The following SBNO2 variants were observed in gnomAD, a reference collection of about 807,000 sequenced individuals.
SBNO2 encodes the protein strawberry notch homolog 2.
A neutral mutation model predicts 146.3 loss-of-function variants in SBNO2; 89 were observed. That is an observed-to-expected ratio of 0.61 (90% CI 0.51 to 0.73). The LOEUF is 0.73. Ranked by LOEUF, SBNO2 falls within the 30% of genes least tolerant of loss-of-function variation. The probability of loss-of-function intolerance (pLI) is 0.00; values close to 1 mark genes in which losing one functional copy is unlikely to be tolerated. For missense variants in SBNO2, 2,092 were observed against 2,003.7 expected (o/e 1.04, Z -0.84); for synonymous variants, 1,147 against 892.6 (o/e 1.29, Z -5.08).
At chr19:1,141,120 G>A (rs958277800) in intron 4 of SBNO2, among the ~76,000 whole-genome samples, 1 of 151,808 alleles carries the variant, frequency 6.6e-6, no homozygotes, top group Admixed American at 6.6e-5. Flanking sequence ...CACGCGCCCC[G>A]GAGAAGAGGC....
intron 1 of SBNO2, among the ~76,000 whole-genome samples, chr19:1,169,449 T>C (rs1450538281): frequency 1.3e-5 from 2 of 152,216 alleles, no homozygotes; most frequent in Admixed American, 6.5e-5. Flanking sequence ...GGCCCCTGTG[T>C]GCCACCCATG....
At chr19:1,170,437 C>T (rs1011231219) in intron 1 of SBNO2, among the ~76,000 whole-genome samples, 1 of 152,130 alleles carries the variant, frequency 6.6e-6, no homozygotes, top group African/African-American at 2.4e-5. Context: ...GAGAGTCCAC[C>T]CACACTGCCG....
intron 4 of SBNO2, among the ~76,000 whole-genome samples, chr19:1,132,887 A>C (rs529218421): frequency 6.6e-6 from 1 of 152,340 alleles, no homozygotes; most frequent in African/African-American, 2.4e-5. Context: ...GGGCAGGAAC[A>C]AGTGGTAGCG....
Position 1,140,883 on chromosome 19 carries a change from C to T in SBNO2, c.279+6426G>A, listed in dbSNP as rs936776242. ...AAGTTACCAGCATCAGCACAACACG[C>T]GCAACGCCAGGCACTCCGGTCCACG... On this transcript the variant is annotated intron_variant, in intron 4 of 31. Transcript: ENST00000361757. This position sits in a 1 kb window ranked among gnomAD's most constrained non-coding sequence, Gnocchi z 4.4. Among the ~76,000 whole-genome samples the T allele has an allele frequency of 3.3e-5, 5 of 152,292 alleles. No homozygotes were observed. The highest frequency in any genetic ancestry group is 4.1e-4 in the South Asian group (2 of 4,828).
rs1213336063 is a variant in SBNO2 at position 1,108,598 on chromosome 19, C to T, written c.3723G>A (p.Pro1241=). 9 of 494,112 alleles carry T rather than the reference C, an allele frequency of 1.8e-5. No homozygotes were observed. The highest frequency in any genetic ancestry group is 2.7e-5 in the Non-Finnish European group (9 of 338,584). The allele number at this position is 494,112 out of a possible 1,614,324, so 30.6% of individuals were successfully genotyped here. ...GCAGCGCCAGCGGGCGCGGGGCGGG[C>T]GGGGCGGGGCAGCCCAGGGCGGGCG... ...RQAPALGCPA[P]PAPRPLALPC... Residue 1241 remains proline (P), a synonymous_variant, in exon 32 of 32, where the codon CCG becomes CCA. Coordinates refer to ENST00000361757, the MANE Select transcript of SBNO2 (RefSeq NM_014963.3).
chr19:1,169,287 G>C (rs2080455678), intron 1 of SBNO2: 1 of 152,316 alleles, frequency 6.6e-6, no homozygotes, highest in African/African-American at 2.4e-5. Context: ...TCCAGGGCAA[G>C]AGGCCCAGGG....
chr19:1,154,734 C>T (rs2080273704), intron 1 of SBNO2, among the ~76,000 whole-genome samples: 1 of 152,206 alleles, frequency 6.6e-6, no homozygotes, highest in South Asian at 2.1e-4. Flanking sequence ...TGCAGGCTGA[C>T]TCCCCCACAT....
chr19:1,162,419 C>G (rs1472212029), intron 1 of SBNO2, among the ~76,000 whole-genome samples: 1 of 150,038 alleles, frequency 6.7e-6, no homozygotes, highest in African/African-American at 2.4e-5. Flanking sequence ...GAGATCGGGC[C>G]ACTGCACTCC....
chr19:1,113,259 G>A (rs551857447), intron 19 of SBNO2, among the ~76,000 whole-genome samples: 3 of 152,138 alleles, frequency 2.0e-5, no homozygotes, highest in East Asian at 1.9e-4. Flanking sequence ...CAAGGGGTGC[G>A]TTCAGGCAAC....
intron 1 of SBNO2, chr19:1,155,029 C>CG (rs1568627739): frequency 2.0e-5 from 3 of 152,324 alleles, no homozygotes; most frequent in African/African-American, 7.2e-5. Context: ...CCACGTGCCC[C>CG]GCGGCCTCTG....
At position 1,144,291 on chromosome 19, in the gene SBNO2, GCACCGGGGTCA is replaced by G. The variant is rs1472578876; in HGVS notation, c.279+3007_279+3017del. On this transcript the variant is annotated intron_variant, in intron 4 of 31. Transcript: ENST00000361757. The surrounding 1 kb of genome is among the most constrained non-coding windows in gnomAD (Gnocchi z 4.1). ...GACCACGCGGCCCGGCCCACACTTG[GCACCGGGGTCA>G]GACTTCCTCCAAATGAAGTTCTGCT... is the stretch of plus-strand genomic sequence containing the variant. Among the ~76,000 whole-genome samples the G allele has an allele frequency of 6.6e-6, 1 of 152,192 alleles. No homozygotes were observed. Among genetic ancestry groups the G allele is most frequent in the African/African-American group, 2.4e-5 (1 of 41,438 alleles).
chr19:1,113,521 C>T lies in SBNO2; in HGVS notation c.2247+14G>A, dbSNP rs371581389. The T allele has an allele frequency of 4.3e-4, 682 of 1,587,074 alleles. 1 individual carries two copies. The highest frequency in any genetic ancestry group is 5.7e-4 in the Non-Finnish European group (662 of 1,169,916). On this transcript the variant is annotated intron_variant, in intron 19 of 31. Coordinates refer to ENST00000361757, the MANE Select transcript of SBNO2 (RefSeq NM_014963.3). ...GCCCCGCCCACCACACTCCAGCTGC[C>T]ACGTCCCACCCACCTCCGCCACCCG...
chr19:1,160,442 T>G (rs1365781965), intron 1 of SBNO2, among the ~76,000 whole-genome samples: 1 of 152,266 alleles, frequency 6.6e-6, no homozygotes, highest in East Asian at 1.9e-4. Flanking sequence ...AGTGAGTGCC[T>G]GGTGGACACC....
At chr19:1,147,544 C>T (rs986775873) in intron 3 of SBNO2, 124 bp from the exon 4 acceptor site, 20 of 556,944 alleles carry the variant, frequency 3.6e-5, no homozygotes, top group South Asian at 2.0e-4. Flanking sequence ...GTGCCCAGCC[C>T]GGCAGGACCC....
In SBNO2 at chr19:1,147,304, C is replaced by T. The variant is rs751861537; in HGVS notation, c.279+5G>A. 1.0e-5 allele frequency: 16 copies of T among 1,576,714 alleles called. No homozygotes were observed. Among genetic ancestry groups the T allele is most frequent in the Non-Finnish European group, 1.3e-5 (15 of 1,161,168 alleles). ...CACGGCGCGGTGAGCTCCTGGGGCT[C>T]CTACCTGAGCAAAGTCGCAGGTCTT... is the stretch of plus-strand genomic sequence containing the variant. On this transcript the variant is annotated splice_donor_5th_base_variant and intron_variant, in intron 4 of 31. Transcript: ENST00000361757.
chr19:1,126,242 T>C lies in SBNO2; in HGVS notation c.441+1362A>G, dbSNP rs544470539. On this transcript the variant is annotated intron_variant, in intron 5 of 31. Transcript: ENST00000361757. The surrounding 1 kb of genome is among the most constrained non-coding windows in gnomAD (Gnocchi z 4.4). ...AAGTGGAAGCGTGGCACAGGAAGGT[T>C]AGAAACCTATACTCAGTTGCCCTCT... Among the ~76,000 whole-genome samples the C allele has an allele frequency of 2.0e-5, 3 of 152,256 alleles. No homozygotes were observed. The highest frequency in any genetic ancestry group is 7.2e-5 in the African/African-American group (3 of 41,554).
At chr19:1,133,168 G>C (rs1007696565) in intron 4 of SBNO2, among the ~76,000 whole-genome samples, 2 of 152,146 alleles carry the variant, frequency 1.3e-5, no homozygotes, top group Non-Finnish European at 2.9e-5. Context: ...TGGAGAGGAC[G>C]GGCCCCATCT....
chr19:1,165,037 G>C (rs1488575998), intron 1 of SBNO2, among the ~76,000 whole-genome samples: 2 of 151,952 alleles, frequency 1.3e-5, no homozygotes, highest in Non-Finnish European at 2.9e-5. Context: ...GCCCGGAGGA[G>C]GTCAAGACTC....
chr19:1,112,098 C>G lies in SBNO2; in HGVS notation c.2629-31G>C. Reference sequence around the variant, plus strand: ...AGGGGTGGGGAGGCCATCAGTTGGTCACCTGGGGTCTGGCCTCTAGCACCC... The same window carrying G: ...AGGGGTGGGGAGGCCATCAGTTGGTGACCTGGGGTCTGGCCTCTAGCACCC... On this transcript the variant is annotated intron_variant, in intron 22 of 31. Coordinates refer to ENST00000361757, the MANE Select transcript of SBNO2 (RefSeq NM_014963.3). This position sits in a 1 kb window ranked among gnomAD's most constrained non-coding sequence, Gnocchi z 5.9. 4 of 1,611,308 alleles carry G rather than the reference C, an allele frequency of 2.5e-6. No homozygotes were observed. Among genetic ancestry groups the G allele is most frequent in the Non-Finnish European group, 3.4e-6 (4 of 1,179,158 alleles).
Sources: allele counts gnomAD v4.1 joint callset (sites outside exome capture counted in the v4.1 genomes callset), GRCh38; gene constraint gnomAD v4.1.1; non-coding constraint Gnocchi (gnomAD v3.1); transcripts MANE v1.5; gene names NCBI Gene and HGNC (gene_info 2026-07-23, HGNC 2026-07-21).